Variants in LOC400499 observed in about 807,000 individuals in gnomAD.
the LOC400499 span, among the ~76,000 whole-genome samples, chr16:11,507,822 T>A: frequency 3.3e-5 from 5 of 151,668 alleles, no homozygotes; most frequent in Non-Finnish European, 7.4e-5. Context: ...CAGTCCCAGG[T>A]ACTCTGGAGG....
At chr16:11,491,832 G>A in the LOC400499 span, 3 of 398,830 alleles carry the variant, frequency 7.5e-6, no homozygotes, top group Non-Finnish European at 8.8e-6. Flanking sequence ...GTATAGACGG[G>A]AGAGCACCGA....
the LOC400499 span, among the ~76,000 whole-genome samples, chr16:11,455,128 C>A: frequency 6.6e-6 from 1 of 151,804 alleles, no homozygotes; most frequent in African/African-American, 2.4e-5. Context: ...TTACAAAACT[C>A]CAGAAAAAAA....
the LOC400499 span, among the ~76,000 whole-genome samples, chr16:11,490,688 G>A: frequency 1.6e-3 from 240 of 152,296 alleles, 1 homozygote; most frequent in African/African-American, 5.5e-3. Flanking sequence ...GTGACAGAGC[G>A]AGACTCCGTC....
At chr16:11,506,861 G>C in the LOC400499 span, among the ~76,000 whole-genome samples, 1 of 152,176 alleles carries the variant, frequency 6.6e-6, no homozygotes, top group East Asian at 1.9e-4. Flanking sequence ...ACCCAGGCAG[G>C]CCCTCAGCCC....
chr16:11,448,308 G>C, the LOC400499 span, among the ~76,000 whole-genome samples: 1 of 152,200 alleles, frequency 6.6e-6, no homozygotes. Context: ...GAAGAACTTG[G>C]ACTTCTCAGC....
the LOC400499 span, among the ~76,000 whole-genome samples, chr16:11,497,836 T>TA: frequency 4.8e-4 from 8 of 16,732 alleles, no homozygotes; most frequent in South Asian, 4.0e-3. Context: ...GAAATAAATT[T>TA]AAAAAAAAAA....
chr16:11,410,271 C>A, the LOC400499 span, among the ~76,000 whole-genome samples: 1 of 152,112 alleles, frequency 6.6e-6, no homozygotes, highest in African/African-American at 2.4e-5. Context: ...CTGGATATCA[C>A]GGTGAAACCC....
the LOC400499 span, among the ~76,000 whole-genome samples, chr16:11,425,782 C>G: frequency 6.6e-6 from 1 of 152,180 alleles, no homozygotes; most frequent in African/African-American, 2.4e-5. Context: ...GTTTAGAGAA[C>G]ATCACCACCA....
the LOC400499 span, among the ~76,000 whole-genome samples, chr16:11,428,679 C>T: frequency 6.6e-6 from 1 of 152,138 alleles, no homozygotes; most frequent in African/African-American, 2.4e-5. Flanking sequence ...CTTGTGGCGA[C>T]CTCCTATCTC....
chr16:11,423,197 G>T, the LOC400499 span: 1 of 399,346 alleles, frequency 2.5e-6, no homozygotes. Context: ...GCTGCCCAGC[G>T]ATGTCCCCTC....
At chr16:11,386,967 C>T in the LOC400499 span, 3 of 543,786 alleles carry the variant, frequency 5.5e-6, no homozygotes, top group Non-Finnish European at 5.6e-6. Flanking sequence ...TGTGTACCCT[C>T]AGCCCTAGTC....
At chr16:11,414,694 T>C in the LOC400499 span, 1 of 396,846 alleles carries the variant, frequency 2.5e-6, no homozygotes, top group Non-Finnish European at 4.4e-6. Context: ...CGTGACATCA[T>C]CTGTCATAAT....
At chr16:11,376,384 AAG>A in the LOC400499 span, among the ~76,000 whole-genome samples, 1 of 151,706 alleles carries the variant, frequency 6.6e-6, no homozygotes, top group Admixed American at 6.6e-5. Flanking sequence ...GTTATAAGGT[AAG>A]AGGTTAACTT....
At chr16:11,425,416 C>A in the LOC400499 span, 1 of 399,260 alleles carries the variant, frequency 2.5e-6, no homozygotes, top group African/African-American at 2.1e-5. Flanking sequence ...GCTGAGTCAG[C>A]AGTGACACTG....
chr16:11,383,615 G>C, the LOC400499 span: 1 of 1,232,308 alleles, frequency 8.1e-7, no homozygotes, highest in Non-Finnish European at 1.0e-6. Context: ...AGACGGGGCA[G>C]AGTGCTAGAT....
At chr16:11,446,992 C>A in the LOC400499 span, 2 of 1,437,964 alleles carry the variant, frequency 1.4e-6, no homozygotes, top group Non-Finnish European at 1.8e-6. Flanking sequence ...ACGGTCTCAG[C>A]CTGGGCCTGT....
the LOC400499 span, among the ~76,000 whole-genome samples, chr16:11,500,208 T>C: frequency 1.3e-5 from 2 of 152,186 alleles, no homozygotes; most frequent in African/African-American, 4.8e-5. Flanking sequence ...GCCATCCTCC[T>C]TATAGAGACC....
chr16:11,378,611 C>G, the LOC400499 span, among the ~76,000 whole-genome samples: 3 of 152,182 alleles, frequency 2.0e-5, no homozygotes, highest in South Asian at 6.2e-4. Flanking sequence ...TCCCTCATAG[C>G]ACTGCTTTTG....
chr16:11,403,671 C>T, the LOC400499 span, among the ~76,000 whole-genome samples: 2 of 152,220 alleles, frequency 1.3e-5, no homozygotes, highest in African/African-American at 2.4e-5. Flanking sequence ...GGCTGTGGGT[C>T]GGGCTCTGCT....
Sources: allele counts gnomAD v4.1 joint callset (sites outside exome capture counted in the v4.1 genomes callset), GRCh38; gene constraint gnomAD v4.1.1; transcripts MANE v1.5.